The following RUNX1 variants were observed in gnomAD, a reference collection of about 807,000 sequenced individuals.
The protein encoded by RUNX1 is runt-related transcription factor 1.
RUNX1 carries 19 observed loss-of-function variants against 42.8 expected under a neutral mutation model. The observed-to-expected ratio is 0.44, with a 90% CI of 0.31 to 0.65. The LOEUF (loss-of-function observed/expected upper bound fraction) is 0.65. Ranked by LOEUF, RUNX1 falls within the 30% of genes least tolerant of loss-of-function variation. The pLI is 0.07. For synonymous variants in RUNX1, 271 were observed against 289.4 expected, an observed-to-expected ratio of 0.94 and a Z score of 0.64; for missense variants, 528 against 672.0, an observed-to-expected ratio of 0.79 and a Z score of 2.37.
rs147154170 is a variant in RUNX1 at position 34,873,240 on chromosome 21, T to C, written c.508+7317A>G. Among the ~76,000 whole-genome samples, 27 of 152,286 alleles carry C rather than the reference T, an allele frequency of 1.8e-4. No homozygotes were observed. In the East Asian group the frequency reaches 5.2e-3, roughly 29 times the overall value. ...ATCTGATGAGCACACAGATGACCAA[T>C]TATGCTCAATCTGCCCATATTCCTG... is the stretch of plus-strand genomic sequence containing the variant. On this transcript the variant is annotated intron_variant, in intron 5 of 8. Coordinates refer to ENST00000675419, the MANE Select transcript of RUNX1 (RefSeq NM_001754.5).
Position 35,001,841 on chromosome 21 carries a change from A to G in RUNX1, c.58+47001T>C, listed in dbSNP as rs564731958. Among the ~76,000 whole-genome samples the G allele has an allele frequency of 7.9e-5, 12 of 152,326 alleles. No individual in the cohort carries two copies. The South Asian group carries it at 2.5e-3, about 32-fold the overall frequency. On this transcript the variant is annotated intron_variant, in intron 2 of 8. Coordinates refer to ENST00000675419, the MANE Select transcript of RUNX1 (RefSeq NM_001754.5). ...ACACAAAGAGCAGTTGTGTTTCTAC[A>G]TACTTGCAATGACCAATTCAAAAAG...
intron 7 of RUNX1, 172 bp downstream of exon 7, chr21:34,834,238 C>T (rs1192984481): frequency 1.4e-6 from 1 of 740,306 alleles, no homozygotes; most frequent in Non-Finnish European, 2.4e-6. Flanking sequence ...GGGTGGGGCC[C>T]AAGACTCTGC....
intron 6 of RUNX1, among the ~76,000 whole-genome samples, chr21:34,853,289 C>T (rs1357171642): frequency 2.0e-5 from 3 of 152,114 alleles, no homozygotes; most frequent in East Asian, 1.9e-4. Context: ...GCAGCCCTGC[C>T]GGGGAAAACA....
intron 7 of RUNX1, among the ~76,000 whole-genome samples, chr21:34,804,488 A>C (rs957744462): frequency 2.0e-5 from 3 of 152,146 alleles, no homozygotes; most frequent in African/African-American, 4.8e-5. Context: ...GAGAATAATA[A>C]CTCACGCTAA....
intron 2 of RUNX1, among the ~76,000 whole-genome samples, chr21:34,954,458 C>T (rs757705847): frequency 6.6e-5 from 10 of 152,104 alleles, no homozygotes; most frequent in Non-Finnish European, 1.5e-4. Flanking sequence ...GGCTCCAACC[C>T]CAGGGGCTAA....
intron 2 of RUNX1, among the ~76,000 whole-genome samples, chr21:34,930,881 A>C (rs948162955): frequency 4.6e-5 from 7 of 152,112 alleles, no homozygotes; most frequent in African/African-American, 1.4e-4. Context: ...TTTGAAGAAG[A>C]TGACAGTTCC....
intron 5 of RUNX1, among the ~76,000 whole-genome samples, chr21:34,862,789 C>T (rs1275116755): frequency 6.6e-6 from 1 of 152,156 alleles, no homozygotes; most frequent in Non-Finnish European, 1.5e-5. Context: ...TGGACATACA[C>T]TTTTTGGAGA....
intron 4 of RUNX1, among the ~76,000 whole-genome samples, chr21:34,884,642 A>G (rs1044356191): frequency 1.9e-4 from 29 of 152,118 alleles, no homozygotes; most frequent in Non-Finnish European, 2.9e-5. Context: ...TATCCCTAAC[A>G]TTTTATCCCT....
At chr21:34,803,548 G>GAA (rs529325438) in intron 7 of RUNX1, among the ~76,000 whole-genome samples, 24 of 145,138 alleles carry the variant, frequency 1.7e-4, no homozygotes, top group African/African-American at 5.8e-4. Context: ...CTCCGTCTCA[G>GAA]AAAAAAAAAA....
At chr21:34,855,857 AC>A (rs1160923816) in intron 6 of RUNX1, among the ~76,000 whole-genome samples, 1 of 152,232 alleles carries the variant, frequency 6.6e-6, no homozygotes, top group Non-Finnish European at 1.5e-5. Context: ...AACAGAGCCC[AC>A]CTTGGTGCTG....
intron 2 of RUNX1, among the ~76,000 whole-genome samples, chr21:34,909,400 C>T (rs980650367): frequency 2.0e-5 from 3 of 151,886 alleles, no homozygotes; most frequent in Non-Finnish European, 4.4e-5. Flanking sequence ...TTACTTTGTT[C>T]CTCCCTTGTC....
chr21:34,817,825 A>G (rs2056849121), intron 7 of RUNX1, among the ~76,000 whole-genome samples: 2 of 152,156 alleles, frequency 1.3e-5, no homozygotes, highest in African/African-American at 4.8e-5. Flanking sequence ...CTTCAGAGCG[A>G]TCATCACCCT....
At chr21:34,958,872 A>G in intron 2 of RUNX1, among the ~76,000 whole-genome samples, 1 of 152,158 alleles carries the variant, frequency 6.6e-6, no homozygotes, top group East Asian at 1.9e-4. Context: ...ATGCAGCCAT[A>G]AAAAAGGATG....
chr21:34,896,089 T>C (rs2058127842), intron 2 of RUNX1, among the ~76,000 whole-genome samples: 1 of 152,042 alleles, frequency 6.6e-6, no homozygotes, highest in Non-Finnish European at 1.5e-5. Context: ...AGAGACATCG[T>C]GATGTCTCTC....
intron 5 of RUNX1, among the ~76,000 whole-genome samples, chr21:34,878,243 T>C (rs2057843727): frequency 6.7e-6 from 1 of 150,196 alleles, no homozygotes; most frequent in Non-Finnish European, 1.5e-5. Context: ...ACACTTACAC[T>C]TGAAAGAGAA....
chr21:34,844,991 C>G (rs1418771838), intron 6 of RUNX1, among the ~76,000 whole-genome samples: 1 of 152,226 alleles, frequency 6.6e-6, no homozygotes, highest in Non-Finnish European at 1.5e-5. Flanking sequence ...ACAAATAAGG[C>G]TTCCGGTTGT....
chr21:34,902,916 G>A (rs1311942329), intron 2 of RUNX1, among the ~76,000 whole-genome samples: 3 of 152,190 alleles, frequency 2.0e-5, no homozygotes, highest in Non-Finnish European at 2.9e-5. Context: ...CTTGGGTTTC[G>A]AGTGGGAAGG....
intron 2 of RUNX1, among the ~76,000 whole-genome samples, chr21:35,033,133 A>C (rs1195153546): frequency 2.0e-5 from 3 of 151,912 alleles, no homozygotes; most frequent in African/African-American, 7.3e-5. Flanking sequence ...TCATTCATTC[A>C]TTCATTCAAC....
chr21:34,870,445 C>G (rs9982450), intron 5 of RUNX1, among the ~76,000 whole-genome samples: 7,117 of 152,296 alleles, frequency 0.047, 503 homozygotes, highest in African/African-American at 0.16. Context: ...GGGGACATGA[C>G]GCAATGGCTT....
Sources: gnomAD v4.1 joint callset for allele counts (sites outside exome capture counted in the v4.1 genomes callset) on GRCh38, gnomAD v4.1.1 for gene constraint, MANE v1.5 for transcripts, NCBI Gene and HGNC (gene_info 2026-07-23, HGNC 2026-07-21) for gene names.